DENND11: variants seen among roughly 807,000 people sequenced by gnomAD.
DENND11 encodes DENN domain containing 11.
In DENND11, 34 loss-of-function variants were observed where a neutral mutation model predicts 49.2. The ratio of observed to expected loss-of-function variants is 0.69; its 90% CI spans 0.53 to 0.92. The LOEUF is 0.92. Ranked by LOEUF, DENND11 falls within the 40% of genes least tolerant of loss-of-function variation. The pLI, the probability that DENND11 is intolerant of heterozygous loss-of-function variation, is 0.00. For missense variants in DENND11, 475 were observed against 581.6 expected, an observed-to-expected ratio of 0.82 and a Z score of 1.88; for synonymous variants, 238 against 230.3, an observed-to-expected ratio of 1.03 and a Z score of -0.30.
chr7:141,683,599 C>A (rs1798181231), intron 3 of DENND11, among the ~76,000 whole-genome samples: 1 of 152,196 alleles, frequency 6.6e-6, no homozygotes, highest in Non-Finnish European at 1.5e-5. Flanking sequence ...GCCAAGATCA[C>A]ACCACTGCCC....
chr7:141,674,330 CA>C (rs1304313285), intron 3 of DENND11, 110 bp from the exon 4 acceptor site: 52 of 1,413,640 alleles, frequency 3.7e-5, no homozygotes, highest in Non-Finnish European at 4.6e-5. Flanking sequence ...CTGTAACACT[CA>C]GGGGCAAAGG....
intron 1 of DENND11, among the ~76,000 whole-genome samples, 171 bp from the exon 2 acceptor site, chr7:141,686,829 C>T (rs1236602806): frequency 1.3e-5 from 2 of 152,120 alleles, no homozygotes; most frequent in African/African-American, 4.8e-5. Context: ...GGGGTGACGC[C>T]GGAGGACGTG....
At chr7:141,698,993 G>A (rs1798461253) in intron 1 of DENND11, among the ~76,000 whole-genome samples, 1 of 152,160 alleles carries the variant, frequency 6.6e-6, no homozygotes, top group Admixed American at 6.5e-5. Flanking sequence ...TCTCCTAGGA[G>A]TGGAAACTGA....
At chr7:141,686,147 C>A (rs1798239569) in intron 2 of DENND11, among the ~76,000 whole-genome samples, 1 of 152,170 alleles carries the variant, frequency 6.6e-6, no homozygotes, top group African/African-American at 2.4e-5. Flanking sequence ...TCCATTGTTC[C>A]TTCTCGCAAA....
At chr7:141,665,126 G>A (rs2117051962) in intron 6 of DENND11, 61 bp downstream of exon 6, 4 of 1,610,404 alleles carry the variant, frequency 2.5e-6, no homozygotes, top group South Asian at 1.1e-5. Flanking sequence ...CAGGAGCCCT[G>A]TGTCTGGGAG....
intron 3 of DENND11, among the ~76,000 whole-genome samples, chr7:141,684,518 G>C (rs973891616): frequency 2.0e-5 from 3 of 152,120 alleles, no homozygotes; most frequent in Admixed American, 6.6e-5. Flanking sequence ...GGATATCTGT[G>C]AGTGTTAATA....
chr7:141,679,155 A>G (rs1483474068), intron 3 of DENND11, among the ~76,000 whole-genome samples: 1 of 152,224 alleles, frequency 6.6e-6, no homozygotes, highest in Non-Finnish European at 1.5e-5. Context: ...AAGCTTATCT[A>G]ACTGTGCTTC....
intron 4 of DENND11, among the ~76,000 whole-genome samples, chr7:141,671,877 G>A (rs935470635): frequency 1.7e-4 from 26 of 152,192 alleles, no homozygotes; most frequent in African/African-American, 6.0e-4. Flanking sequence ...CCTACGCCAC[G>A]GGGTTGGGAA....
rs972447072 is a variant in DENND11 at position 141,659,683 on chromosome 7, C to T, written c.*2973G>A. ...GCACATAGTTCATTTCACAGTGTGG[C>T]ATGAGATCAGGCTGACAGCTTCACA... On this transcript the variant is annotated 3_prime_UTR_variant, in exon 9 of 9. Coordinates refer to ENST00000536163, the MANE Select transcript of DENND11 (RefSeq NM_001080392.2). The T allele has an allele frequency of 6.6e-6, 1 of 152,220 alleles. No individual in the cohort carries two copies. Among genetic ancestry groups the T allele is most frequent in the Non-Finnish European group, 1.5e-5 (1 of 68,076 alleles). The allele number at this position is 152,220 out of a possible 1,614,324, so 9.4% of individuals were successfully genotyped here. A position where few individuals can be genotyped will look rare whatever the true frequency, so the allele number is the denominator to read the frequency against.
At chr7:141,667,433 C>T (rs1417420573) in intron 4 of DENND11, among the ~76,000 whole-genome samples, 1 of 152,194 alleles carries the variant, frequency 6.6e-6, no homozygotes, top group Non-Finnish European at 1.5e-5. Context: ...GGAATCATCA[C>T]CTACCTCGTA....
At chr7:141,686,516 G>C (rs769642721) in intron 2 of DENND11, 43 bp downstream of exon 2, 19 of 1,263,416 alleles carry the variant, frequency 1.5e-5, no homozygotes, top group South Asian at 1.0e-4. Flanking sequence ...GTGTGGAGGT[G>C]GGGGGAATGG....
chr7:141,692,255 C>G (rs1024487642), intron 1 of DENND11, among the ~76,000 whole-genome samples: 2 of 152,156 alleles, frequency 1.3e-5, no homozygotes, highest in African/African-American at 4.8e-5. Flanking sequence ...AAAATCCCAG[C>G]AAATTATTTT....
At chr7:141,687,287 G>A (rs1798257455) in intron 1 of DENND11, among the ~76,000 whole-genome samples, 1 of 152,070 alleles carries the variant, frequency 6.6e-6, no homozygotes, top group Non-Finnish European at 1.5e-5. Context: ...TTTGCTTCCA[G>A]AATTTTGGGA....
chr7:141,665,366 C>G (rs767521046), intron 5 of DENND11, 48 bp from the exon 6 acceptor site: 1 of 1,609,286 alleles, frequency 6.2e-7, no homozygotes, highest in Non-Finnish European at 8.5e-7. Context: ...CCTCCACAGC[C>G]CTTCCTCCCT....
At chr7:141,696,544 T>G (rs1219296367) in intron 1 of DENND11, among the ~76,000 whole-genome samples, 1 of 152,226 alleles carries the variant, frequency 6.6e-6, no homozygotes, top group Non-Finnish European at 1.5e-5. Context: ...CTGCCTCAGC[T>G]GGAGATCCTC....
At position 141,673,115 on chromosome 7, in the gene DENND11, G is replaced by A. The variant is rs183948102; in HGVS notation, c.681+952C>T. Among the ~76,000 whole-genome samples, 22 of 152,292 alleles carry A rather than the reference G, an allele frequency of 1.4e-4. No individual in the cohort carries two copies. The East Asian group carries it at 3.7e-3, about 25-fold the overall frequency. Reference sequence around the variant, plus strand: ...CTGCAAAGGCAATGAAGTGGGGCAGGAAACATGCACTGGCTGTGGCACTAG... The same window carrying A: ...CTGCAAAGGCAATGAAGTGGGGCAGAAAACATGCACTGGCTGTGGCACTAG... On this transcript the variant is annotated intron_variant, in intron 4 of 8. Coordinates refer to ENST00000536163, the MANE Select transcript of DENND11 (RefSeq NM_001080392.2).
intron 3 of DENND11, among the ~76,000 whole-genome samples, chr7:141,683,652 AAAC>A (rs372412807): frequency 1.3e-5 from 2 of 152,076 alleles, no homozygotes; most frequent in South Asian, 2.1e-4. Context: ...CAACAAACAA[AAAC>A]AACAACAACA....
At position 141,656,899 on chromosome 7, in the gene DENND11, TAAC is replaced by T. The variant is rs1175443177; in HGVS notation, c.*5754_*5756del. On this transcript the variant is annotated 3_prime_UTR_variant, in exon 9 of 9. Transcript: ENST00000536163. Reference sequence around the variant, plus strand: ...AAACATTTACTTTTAGCTTCAGGATTAACCCCAGCTTTCTTTAGGCCTTAAAAT... The same window carrying T: ...AAACATTTACTTTTAGCTTCAGGATTCCCAGCTTTCTTTAGGCCTTAAAAT... 1 of 153,100 alleles carries T rather than the reference TAAC, an allele frequency of 6.5e-6. No individual in the cohort carries two copies. The highest frequency in any genetic ancestry group is 1.9e-4 in the East Asian group (1 of 5,204). The allele number at this position is 153,100 out of a possible 1,614,324, so 9.5% of individuals were successfully genotyped here. A position where few individuals can be genotyped will look rare whatever the true frequency, so the allele number is the denominator to read the frequency against.
chr7:141,697,834 T>C (rs916800538), intron 1 of DENND11, among the ~76,000 whole-genome samples: 5 of 152,214 alleles, frequency 3.3e-5, no homozygotes, highest in African/African-American at 1.2e-4. Flanking sequence ...TGTACTCATG[T>C]GACATAAACA....
Sources: allele counts gnomAD v4.1 joint callset (sites outside exome capture counted in the v4.1 genomes callset), GRCh38; gene constraint gnomAD v4.1.1; transcripts MANE v1.5; gene names NCBI Gene and HGNC (gene_info 2026-07-23, HGNC 2026-07-21).